The following RNF125 variants were observed in gnomAD, a reference collection of about 807,000 sequenced individuals.
The protein encoded by RNF125 is E3 ubiquitin-protein ligase RNF125.
In RNF125, 21 loss-of-function variants were observed where a neutral mutation model predicts 26.0. That is an observed-to-expected ratio of 0.81 (90% CI 0.57 to 1.16). The LOEUF is 1.16. Among genes scored for constraint, RNF125 ranks in the 50% most tolerant of loss-of-function variants. The probability of loss-of-function intolerance (pLI) is 0.00; values close to 1 mark genes in which losing one functional copy is unlikely to be tolerated. For synonymous variants in RNF125, 95 were observed against 109.2 expected, an observed-to-expected ratio of 0.87 and a Z score of 0.81; for missense variants, 270 against 299.4, an observed-to-expected ratio of 0.90 and a Z score of 0.72.
intron 1 of RNF125, among the ~76,000 whole-genome samples, chr18:32,032,856 A>G (rs1445798185): frequency 6.6e-6 from 1 of 152,158 alleles, no homozygotes; most frequent in Non-Finnish European, 1.5e-5. Context: ...ATCTGGCAAA[A>G]AAAACCAAAA....
chr18:32,085,296 C>T, the RNF125 span, among the ~76,000 whole-genome samples: 1 of 151,790 alleles, frequency 6.6e-6, no homozygotes. Flanking sequence ...AGGGCCTGCC[C>T]AGCAGGAAGC....
At chr18:32,055,895 C>T (rs1227330691) in intron 4 of RNF125, among the ~76,000 whole-genome samples, 41 of 138,984 alleles carry the variant, frequency 2.9e-4, no homozygotes, top group African/African-American at 1.0e-3. Context: ...AGGAGAATCG[C>T]TTGAACCTGG....
chr18:32,045,281 A>G (rs760970425), intron 3 of RNF125, among the ~76,000 whole-genome samples: 12 of 151,862 alleles, frequency 7.9e-5, no homozygotes, highest in Non-Finnish European at 1.6e-4. Flanking sequence ...ATATGTGACC[A>G]GGTGCGGTGG....
Position 32,046,214 on chromosome 18 carries a change from CAAAAAAAAA to C in RNF125, c.504+497_504+505del, listed in dbSNP as rs768054716. On this transcript the variant is annotated intron_variant, in intron 4 of 5. Coordinates refer to ENST00000217740, the MANE Select transcript of RNF125 (RefSeq NM_017831.4). The stretch of plus-strand genomic sequence containing the variant: ...CCTGGGCAACAGAGCAAGACTGTCT[CAAAAAAAAA>C]AAAAAAAAAAAAAAGAGAAAGAGAG... 7.1e-3 allele frequency among the ~76,000 whole-genome samples: 537 copies of C among 76,164 alleles called. 5 individuals carry two copies. Among genetic ancestry groups the C allele is most frequent in the African/African-American group, 0.029 (517 of 17,730 alleles). The allele number at this position is 76,164 out of a possible 152,430, so 50.0% of individuals were successfully genotyped here. A position where few individuals can be genotyped will look rare whatever the true frequency, so the allele number is the denominator to read the frequency against.
In RNF125 at chr18:32,030,613, G is replaced by A. The variant is rs1420824217; in HGVS notation, c.165-6503G>A. Among the ~76,000 whole-genome samples the A allele has an allele frequency of 2.0e-5, 3 of 152,280 alleles. No individual in the cohort carries two copies. The East Asian group carries it at 5.8e-4, about 29-fold the overall frequency. ...TTCTAAGGCCCCCAACCAACTGAAT[G>A]GACCTTTCCTCTCTGCCAAGGGCAT... On this transcript the variant is annotated intron_variant, in intron 1 of 5. Transcript: ENST00000217740.
chr18:32,049,618 T>G, intron 4 of RNF125, among the ~76,000 whole-genome samples: 1 of 150,110 alleles, frequency 6.7e-6, no homozygotes, highest in African/African-American at 2.5e-5. Context: ...AGGAGGAGGA[T>G]GGGGAAGTGA....
intron 2 of RNF125, among the ~76,000 whole-genome samples, chr18:32,040,789 A>G (rs1222796750): frequency 6.6e-6 from 1 of 152,196 alleles, no homozygotes; most frequent in African/African-American, 2.4e-5. Context: ...TTTGTTGAAC[A>G]AAGAATACAA....
chr18:32,023,894 T>C (rs1225815328), intron 1 of RNF125, among the ~76,000 whole-genome samples: 2 of 152,206 alleles, frequency 1.3e-5, no homozygotes, highest in African/African-American at 4.8e-5. Flanking sequence ...CCATCTCTAC[T>C]ACACAAAAGT....
At chr18:32,037,335 A>T in intron 2 of RNF125, 66 bp downstream of exon 2, 1 of 873,332 alleles carries the variant, frequency 1.1e-6, no homozygotes, top group South Asian at 2.4e-5. Flanking sequence ...TTATCATTTC[A>T]CCTCTGCTTC....
intron 4 of RNF125, among the ~76,000 whole-genome samples, chr18:32,059,472 A>G (rs1199530491): frequency 6.6e-6 from 1 of 152,046 alleles, no homozygotes; most frequent in Non-Finnish European, 1.5e-5. Context: ...TGAATTACTA[A>G]TTTCTTTTCC....
At chr18:32,064,016 A>G (rs1598826938) in intron 4 of RNF125, among the ~76,000 whole-genome samples, 2 of 146,962 alleles carry the variant, frequency 1.4e-5, no homozygotes, top group South Asian at 2.1e-4. Context: ...TCTTTTTGAG[A>G]CAGGGTCTCA....
At chr18:32,060,343 G>A (rs1054804790) in intron 4 of RNF125, among the ~76,000 whole-genome samples, 9 of 152,308 alleles carry the variant, frequency 5.9e-5, no homozygotes, top group Non-Finnish European at 1.3e-4. Context: ...CATTGTTGCG[G>A]GTGGGTTGGT....
In RNF125 at chr18:32,071,099, A is replaced by G. The variant is rs2039529840; in HGVS notation, c.*2715A>G. 6.6e-6 allele frequency: 1 copy of G among 152,070 alleles called. No individual in the cohort carries two copies. The highest frequency in any genetic ancestry group is 2.4e-5 in the African/African-American group (1 of 41,368). 9.4% of individuals were successfully genotyped at this position (152,070 alleles called of 1,614,324 possible). A position where few individuals can be genotyped will look rare whatever the true frequency, so the allele number is the denominator to read the frequency against. ...TTCCTTTTATCCCCCATTTATTCTT[A>G]GTTCTTCAACTATATATTTAACACT... On this transcript the variant is annotated 3_prime_UTR_variant, in exon 6 of 6. Transcript: ENST00000217740.
chr18:32,064,556 A>G (rs1018936631), intron 4 of RNF125, among the ~76,000 whole-genome samples: 1 of 133,590 alleles, frequency 7.5e-6, no homozygotes, highest in African/African-American at 2.5e-5. Flanking sequence ...TTTCCAAACT[A>G]TATCACACAC....
chr18:32,047,287 G>A (rs906726771), intron 4 of RNF125, among the ~76,000 whole-genome samples: 2 of 152,126 alleles, frequency 1.3e-5, no homozygotes, highest in Non-Finnish European at 2.9e-5. Flanking sequence ...GTTCGCCCAC[G>A]TCGGCCTCCC....
intron 1 of RNF125, chr18:32,031,476 C>CA (rs1489090090): frequency 1.5e-5 from 1 of 65,168 alleles, no homozygotes; most frequent in Non-Finnish European, 2.5e-5. Context: ...GCATACAACT[C>CA]AAATTGTGGG....
chr18:32,034,772 G>A lies in RNF125; in HGVS notation c.165-2344G>A, dbSNP rs528629015. Among the ~76,000 whole-genome samples the A allele has an allele frequency of 2.1e-4, 32 of 151,946 alleles. No individual in the cohort carries two copies. In the East Asian group the frequency reaches 4.3e-3, roughly 20 times the overall value. ...TACTAGAAGTAAAAAAAAATTAGCC[G>A]GGCATGGTGGTGCACACCCGCAATC... On this transcript the variant is annotated intron_variant, in intron 1 of 5. Coordinates refer to ENST00000217740, the MANE Select transcript of RNF125 (RefSeq NM_017831.4).
rs2038959187 is a variant in RNF125, at chr18:32,019,008, C to T, written c.145C>T (p.Arg49Trp). ...CCTTGAGGTGTTACACCAGCCTGTC[C>T]GGACCCGCTGTGGCCACGTGTAAGT... Reference protein sequence around the residue: ...VCLEVLHQPVRTRCGHVFCRS... With the variant: ...VCLEVLHQPVWTRCGHVFCRS... The change falls in exon 1 of 6, where the codon CGG becomes TGG. Residue 49 changes from arginine (R) to tryptophan (W), a missense_variant. By Grantham distance (101) the Arg-to-Trp change is moderately radical. Transcript: ENST00000217740. The T allele has an allele frequency of 1.2e-6, 2 of 1,613,212 alleles. No homozygotes were observed. The highest frequency in any genetic ancestry group is 1.7e-6 in the Non-Finnish European group (2 of 1,179,638).
rs2039517684 is a variant in RNF125, at chr18:32,069,856, G to A, written c.*1472G>A. On this transcript the variant is annotated 3_prime_UTR_variant, in exon 6 of 6. Coordinates refer to ENST00000217740, the MANE Select transcript of RNF125 (RefSeq NM_017831.4). ...GGACCTATAGAGTTTCCCATACTTT[G>A]TATTTTGCTGATTGCACACTCATGG... 6.6e-6 allele frequency: 1 copy of A among 152,038 alleles called. No homozygotes were observed. Among genetic ancestry groups the A allele is most frequent in the Non-Finnish European group, 1.5e-5 (1 of 68,026 alleles). 9.4% of individuals were successfully genotyped at this position (152,038 alleles called of 1,614,324 possible).
Sources: allele counts gnomAD v4.1 joint callset (sites outside exome capture counted in the v4.1 genomes callset), GRCh38; gene constraint gnomAD v4.1.1; transcripts MANE v1.5; gene names NCBI Gene and HGNC (gene_info 2026-07-23, HGNC 2026-07-21).